Variants in HOMER2 observed in about 807,000 individuals in gnomAD.
The protein encoded by HOMER2 is homer scaffold protein 2.
In HOMER2, 27 loss-of-function variants were observed where a neutral mutation model predicts 47.0. The observed-to-expected ratio is 0.57, with a 90% CI of 0.42 to 0.79. The LOEUF (loss-of-function observed/expected upper bound fraction) is 0.79. Among genes scored for constraint, HOMER2 ranks in the 30% least tolerant of loss-of-function variants. The pLI is 0.00. For missense variants in HOMER2, 443 were observed against 435.0 expected, an observed-to-expected ratio of 1.02 and a Z score of -0.16; for synonymous variants, 161 against 163.8, an observed-to-expected ratio of 0.98 and a Z score of 0.13.
intron 1 of HOMER2, among the ~76,000 whole-genome samples, chr15:82,949,682 G>C (rs1374095224): frequency 6.6e-6 from 1 of 152,220 alleles, no homozygotes. Context: ...AGGGATGTAG[G>C]AGGGAGGGAG....
intron 1 of HOMER2, chr15:82,898,450 A>G (rs1247618999): frequency 6.6e-6 from 1 of 152,226 alleles, no homozygotes; most frequent in Non-Finnish European, 1.5e-5. Context: ...TAAATTTCAA[A>G]TATACTCCCA....
intron 1 of HOMER2, among the ~76,000 whole-genome samples, chr15:82,950,002 G>A (rs2054472110): frequency 6.6e-6 from 1 of 152,110 alleles, no homozygotes; most frequent in African/African-American, 2.4e-5. Flanking sequence ...TGGAATGGAG[G>A]CTACCCCAGA....
At chr15:82,949,813 C>A (rs919939674) in intron 1 of HOMER2, among the ~76,000 whole-genome samples, 2 of 152,212 alleles carry the variant, frequency 1.3e-5, no homozygotes, top group Non-Finnish European at 2.9e-5. Context: ...TCAACAACCA[C>A]ATTTCAAGTG....
chr15:82,923,925 T>C (rs1250900122), intron 1 of HOMER2, among the ~76,000 whole-genome samples: 1 of 152,192 alleles, frequency 6.6e-6, no homozygotes, highest in Non-Finnish European at 1.5e-5. Context: ...TTAAGGGTCA[T>C]GACTACATCT....
chr15:82,928,319 G>C (rs978454670), intron 1 of HOMER2, among the ~76,000 whole-genome samples: 5 of 152,132 alleles, frequency 3.3e-5, no homozygotes, highest in African/African-American at 1.2e-4. Flanking sequence ...AACATGAGAG[G>C]TCTGAGCACA....
chr15:82,855,112 G>T (rs1022026086), intron 5 of HOMER2, among the ~76,000 whole-genome samples: 11 of 151,938 alleles, frequency 7.2e-5, no homozygotes, highest in African/African-American at 2.7e-4. Context: ...CGAGGCGGGC[G>T]GATCACTAGG....
intron 1 of HOMER2, among the ~76,000 whole-genome samples, chr15:82,978,996 G>A (rs1459500727): frequency 6.6e-6 from 1 of 152,222 alleles, no homozygotes; most frequent in Non-Finnish European, 1.5e-5. Context: ...TGGGATTACA[G>A]GCGTAAGCCA....
chr15:82,858,152 A>C (rs1317976647), intron 5 of HOMER2, among the ~76,000 whole-genome samples: 1 of 152,182 alleles, frequency 6.6e-6, no homozygotes. Flanking sequence ...TTATGGTTCT[A>C]GTTCATACTG....
rs144474673 is a variant in HOMER2, at chr15:82,967,427, C to A, written n.83-8119G>T. ...TACATGCTGAAATACATACAGTTTG[C>A]TACAAAACAATCCAGTGGGTGTGGG... On this transcript the variant is annotated intron_variant and non_coding_transcript_variant, in intron 1 of 1. Transcript: ENST00000500334. Among the ~76,000 whole-genome samples, 4 of 152,102 alleles carry A rather than the reference C, an allele frequency of 2.6e-5. No homozygotes were observed. In the East Asian group the frequency reaches 7.7e-4, roughly 29 times the overall value.
chr15:82,959,853 G>A (rs937816001), intron 1 of HOMER2, among the ~76,000 whole-genome samples: 5 of 152,310 alleles, frequency 3.3e-5, no homozygotes, highest in African/African-American at 9.6e-5. Context: ...TGAGATTTAG[G>A]GTTCCGGAGA....
chr15:82,976,562 G>A (rs1296033525), intron 1 of HOMER2, among the ~76,000 whole-genome samples: 2 of 151,866 alleles, frequency 1.3e-5, no homozygotes, highest in African/African-American at 4.8e-5. Flanking sequence ...GCTTCCCAAA[G>A]TGCTAGGATT....
At chr15:82,982,116 C>T (rs999226279) in intron 1 of HOMER2, among the ~76,000 whole-genome samples, 1 of 152,130 alleles carries the variant, frequency 6.6e-6, no homozygotes, top group Non-Finnish European at 1.5e-5. Context: ...CTTTCTCATG[C>T]ACATCAACAG....
At chr15:82,966,416 T>C (rs2054675977) in intron 1 of HOMER2, among the ~76,000 whole-genome samples, 1 of 152,076 alleles carries the variant, frequency 6.6e-6, no homozygotes, top group African/African-American at 2.4e-5. Context: ...AAGAAAACAG[T>C]CAAACTTCAC....
In HOMER2 at chr15:82,918,416, T is replaced by C. The variant is rs568436361; in HGVS notation, c.6-25575A>G. Among the ~76,000 whole-genome samples, 20 of 152,236 alleles carry C rather than the reference T, an allele frequency of 1.3e-4. 1 individual carries two copies. The highest frequency in any genetic ancestry group is 9.2e-4 in the Admixed American group (14 of 15,298). ...TTGGGACAGTGCCCACGGGACAGGA[T>C]ACCACAGTGCTCAGATTTCTCTCCT... On this transcript the variant is annotated intron_variant, in intron 1 of 8. Transcript: ENST00000450735.
At chr15:82,981,058 TAA>T in intron 1 of HOMER2, among the ~76,000 whole-genome samples, 1 of 152,232 alleles carries the variant, frequency 6.6e-6, no homozygotes, top group Middle Eastern at 3.4e-3. Flanking sequence ...AAGCAGCCAG[TAA>T]AGACGGAGAG....
intron 7 of HOMER2, 93 bp from the exon 8 acceptor site, chr15:82,851,324 C>G: frequency 3.7e-6 from 3 of 814,376 alleles, no homozygotes; most frequent in Non-Finnish European, 6.2e-6. Context: ...GTGGAAGCAG[C>G]TTTGGGACCC....
At chr15:82,854,491 G>A (rs1025903035) in intron 6 of HOMER2, among the ~76,000 whole-genome samples, 153 bp downstream of exon 6, 1 of 152,178 alleles carries the variant, frequency 6.6e-6, no homozygotes, top group African/African-American at 2.4e-5. Context: ...GGCAGGGAGG[G>A]GGAGGGACGT....
chr15:82,884,748 C>T (rs2052597588), intron 2 of HOMER2, among the ~76,000 whole-genome samples: 1 of 66,440 alleles, frequency 1.5e-5, no homozygotes, highest in Non-Finnish European at 2.6e-5. Flanking sequence ...ATTTTGTATC[C>T]TGAGACTTTG....
rs1374830686 is a variant in HOMER2 at position 82,851,991 on chromosome 15, G to T, written c.762+151C>A. On this transcript the variant is annotated intron_variant, in intron 7 of 8. Transcript: ENST00000450735. ...CATGGGGAGGCCTTTGCTCCAGCCT[G>T]TCTGCACCTTGCTGTGGCTCCCAGC... The T allele has an allele frequency of 4.9e-6, 3 of 616,128 alleles. No individual in the cohort carries two copies. The Admixed American group carries it at 8.7e-5, about 18-fold the overall frequency. The allele number at this position is 616,128 out of a possible 1,614,324, so 38.2% of individuals were successfully genotyped here.
Sources: allele counts gnomAD v4.1 joint callset (sites outside exome capture counted in the v4.1 genomes callset), GRCh38; gene constraint gnomAD v4.1.1; transcripts MANE v1.5; gene names NCBI Gene and HGNC (gene_info 2026-07-23, HGNC 2026-07-21).